Variants in SNX7 observed in about 807,000 individuals in gnomAD.
SNX7 encodes the protein sorting nexin-7.
Under a neutral mutation model 48.4 loss-of-function variants are expected in SNX7, and 35 were observed. The ratio of observed to expected loss-of-function variants is 0.72; its 90% CI spans 0.55 to 0.96. The LOEUF (loss-of-function observed/expected upper bound fraction) is 0.96. Ranked by LOEUF, SNX7 falls within the 40% of genes least tolerant of loss-of-function variation. The pLI is 0.00. For missense variants in SNX7, 553 were observed against 548.9 expected (o/e 1.01, Z -0.07); for synonymous variants, 190 against 190.2 (o/e 1.00, Z 0.01).
At chr1:98,679,175 C>G (rs1284543061) in intron 1 of SNX7, among the ~76,000 whole-genome samples, 6 of 152,182 alleles carry the variant, frequency 3.9e-5, no homozygotes, top group Non-Finnish European at 7.3e-5. Flanking sequence ...AGGAGCAAGT[C>G]TCATCTTACA....
chr1:98,718,965 T>C (rs1163135519), intron 7 of SNX7, among the ~76,000 whole-genome samples: 1 of 152,114 alleles, frequency 6.6e-6, no homozygotes, highest in Admixed American at 6.6e-5. Context: ...TTTCTGATAT[T>C]TTGTGACTAT....
rs1408472820 is a variant in SNX7, at chr1:98,709,450, A to G, written c.1125+7547A>G. Among the ~76,000 whole-genome samples, 4 of 152,180 alleles carry G rather than the reference A, an allele frequency of 2.6e-5. No homozygotes were observed. In the South Asian group the frequency reaches 6.2e-4, roughly 24 times the overall value. On this transcript the variant is annotated intron_variant, in intron 7 of 8. Coordinates refer to ENST00000306121, the MANE Select transcript of SNX7 (RefSeq NM_015976.5). ...AATTGTATCTGAATTTATGCAGACT[A>G]TTGAGAGGTTGTGCTTTGGACTCCT...
In SNX7 at chr1:98,715,187, A is replaced by T. The variant is rs187006905; in HGVS notation, c.1125+13284A>T. Among the ~76,000 whole-genome samples the T allele has an allele frequency of 1.7e-3, 266 of 152,272 alleles. 1 individual carries two copies. The highest frequency in any genetic ancestry group is 1.7e-3 in the Non-Finnish European group (119 of 68,016). On this transcript the variant is annotated intron_variant, in intron 7 of 8. Transcript: ENST00000306121. The stretch of plus-strand genomic sequence containing the variant: ...AGTTAGATGTCTCCTTCAGTCTGGA[A>T]CAGTCTTTCATCTTCCCTTAACTTT...
intron 7 of SNX7, among the ~76,000 whole-genome samples, chr1:98,725,099 C>G (rs1243678295): frequency 1.3e-5 from 2 of 152,142 alleles, no homozygotes; most frequent in Non-Finnish European, 2.9e-5. Flanking sequence ...GAGGTACCCC[C>G]TCATGGGCAA....
chr1:98,728,928 C>G (rs1653340571), intron 7 of SNX7, among the ~76,000 whole-genome samples: 1 of 152,178 alleles, frequency 6.6e-6, no homozygotes, highest in Admixed American at 6.5e-5. Flanking sequence ...TTAAACTCAG[C>G]TAGGGATCAA....
intron 1 of SNX7, among the ~76,000 whole-genome samples, chr1:98,676,095 T>TA (rs1650146787): frequency 6.6e-6 from 1 of 152,016 alleles, no homozygotes; most frequent in South Asian, 2.1e-4. Context: ...CTTTTTTTTT[T>TA]AATAGCTGCT....
At chr1:98,661,633 C>A (rs1415509771), upstream of SNX7, 8 of 1,063,254 alleles carry the variant, frequency 7.5e-6, no homozygotes, top group South Asian at 3.2e-4. Flanking sequence ...TGGAGCGGGG[C>A]CGGCCGGGGA....
At chr1:98,741,181 G>A (rs777253940) in intron 8 of SNX7, among the ~76,000 whole-genome samples, 9 of 151,936 alleles carry the variant, frequency 5.9e-5, no homozygotes, top group Non-Finnish European at 1.2e-4. Context: ...TTCCCAAAAC[G>A]GTCTGTTCCT....
At chr1:98,696,074 T>G (rs1247689485) in intron 5 of SNX7, among the ~76,000 whole-genome samples, 1 of 152,182 alleles carries the variant, frequency 6.6e-6, no homozygotes. Flanking sequence ...TGGTAATTAT[T>G]TTTTTCTGGA....
intron 7 of SNX7, among the ~76,000 whole-genome samples, chr1:98,729,566 T>C (rs1433003188): frequency 1.3e-5 from 2 of 150,696 alleles, no homozygotes; most frequent in East Asian, 3.9e-4. Flanking sequence ...CAATAAAAAA[T>C]GATGAAGGGG....
intron 8 of SNX7, among the ~76,000 whole-genome samples, chr1:98,753,203 T>C (rs1654673406): frequency 6.6e-6 from 1 of 152,078 alleles, no homozygotes; most frequent in Non-Finnish European, 1.5e-5. Context: ...TTAATGTTAT[T>C]TCTGTTGCTA....
intron 5 of SNX7, among the ~76,000 whole-genome samples, chr1:98,696,124 A>G (rs1033456472): frequency 2.0e-5 from 3 of 151,916 alleles, no homozygotes; most frequent in African/African-American, 7.3e-5. Flanking sequence ...GAAGTATGGC[A>G]GAGAGATTTA....
chr1:98,759,563 A>G (rs1187078776), intron 8 of SNX7, among the ~76,000 whole-genome samples: 1 of 152,076 alleles, frequency 6.6e-6, no homozygotes, highest in Non-Finnish European at 1.5e-5. Context: ...CTGCATAGAG[A>G]CTTATACAGA....
intron 1 of SNX7, among the ~76,000 whole-genome samples, chr1:98,671,566 T>C (rs987546090): frequency 2.0e-5 from 3 of 152,118 alleles, no homozygotes; most frequent in African/African-American, 4.8e-5. Context: ...TACCATAAAA[T>C]TCACCCATTT....
intron 8 of SNX7, among the ~76,000 whole-genome samples, chr1:98,740,601 TAA>T (rs1325531506): frequency 6.6e-6 from 1 of 152,194 alleles, no homozygotes; most frequent in East Asian, 1.9e-4. Flanking sequence ...GAATTTCAAC[TAA>T]AATGTTTGGG....
At chr1:98,668,771 A>T (rs1327555309) in intron 1 of SNX7, among the ~76,000 whole-genome samples, 3 of 152,192 alleles carry the variant, frequency 2.0e-5, no homozygotes, top group Non-Finnish European at 2.9e-5. Context: ...TGAAGGGCAA[A>T]ACTAGGACCA....
intron 8 of SNX7, among the ~76,000 whole-genome samples, chr1:98,759,355 G>C (rs1655007416): frequency 6.6e-6 from 1 of 151,962 alleles, no homozygotes; most frequent in African/African-American, 2.4e-5. Flanking sequence ...AGATACTTGA[G>C]ACTAGTCTAT....
At chr1:98,725,615 T>G (rs1277991722) in intron 7 of SNX7, among the ~76,000 whole-genome samples, 1 of 152,184 alleles carries the variant, frequency 6.6e-6, no homozygotes, top group Non-Finnish European at 1.5e-5. Flanking sequence ...CTTTTATTCT[T>G]CTTAGATTGC....
intron 2 of SNX7, among the ~76,000 whole-genome samples, 183 bp downstream of exon 2, chr1:98,685,250 C>T (rs1345266695): frequency 6.6e-6 from 1 of 152,066 alleles, no homozygotes; most frequent in Non-Finnish European, 1.5e-5. Flanking sequence ...TGTATTAAGT[C>T]AGTGAAATTC....
Sources: gnomAD v4.1 joint callset for allele counts (sites outside exome capture counted in the v4.1 genomes callset) on GRCh38, gnomAD v4.1.1 for gene constraint, MANE v1.5 for transcripts, NCBI Gene and HGNC (gene_info 2026-07-23, HGNC 2026-07-21) for gene names.